Variants in RARB observed in about 807,000 individuals in gnomAD.
The protein encoded by RARB is retinoic acid receptor beta.
In RARB, 17 loss-of-function variants were observed where a neutral mutation model predicts 51.9. That is an observed-to-expected ratio of 0.33 (90% CI 0.22 to 0.49). RARB has a LOEUF of 0.49. Ranked by LOEUF, RARB falls within the 20% of genes least tolerant of loss-of-function variation. RARB has a pLI of 0.99. For missense variants in RARB, 369 were observed against 550.8 expected, an observed-to-expected ratio of 0.67 and a Z score of 3.30; for synonymous variants, 215 against 195.4, an observed-to-expected ratio of 1.10 and a Z score of -0.84.
chr3:24,943,799 G>A (rs941240103), intron 2 of RARB, among the ~76,000 whole-genome samples: 2 of 152,182 alleles, frequency 1.3e-5, no homozygotes, highest in Non-Finnish European at 2.9e-5. Flanking sequence ...ATTAGAATCT[G>A]CAGTCTTCTG....
chr3:25,106,270 A>G (rs1699497266), intron 3 of RARB, among the ~76,000 whole-genome samples: 2 of 25,812 alleles, frequency 7.7e-5, no homozygotes, highest in Admixed American at 1.3e-3. Context: ...CATGTTTCAT[A>G]CAAGTAAAAT....
chr3:25,105,871 G>T (rs545712239), intron 3 of RARB, among the ~76,000 whole-genome samples: 1 of 152,270 alleles, frequency 6.6e-6, no homozygotes. Context: ...TTTAACATCA[G>T]AGGAAAATTA....
chr3:24,830,434 T>TGTGTGTGTGTGC (rs1313377115), intron 1 of RARB, among the ~76,000 whole-genome samples: 1 of 150,816 alleles, frequency 6.6e-6, no homozygotes, highest in Non-Finnish European at 1.5e-5. Flanking sequence ...TGTGTGTGTG[T>TGTGTGTGTGTGC]GTGTGTGTAC....
intron 5 of RARB, among the ~76,000 whole-genome samples, chr3:25,185,394 T>C (rs1462560390): frequency 1.3e-5 from 2 of 152,130 alleles, no homozygotes; most frequent in Non-Finnish European, 2.9e-5. Flanking sequence ...TGTCACTTTG[T>C]CCTTTATAAA....
At chr3:25,574,232 C>G (rs1252824401) in intron 4 of RARB, among the ~76,000 whole-genome samples, 1 of 152,208 alleles carries the variant, frequency 6.6e-6, no homozygotes, top group African/African-American at 2.4e-5. Context: ...AAGCTCAACT[C>G]TTATCCCTGC....
intron 5 of RARB, among the ~76,000 whole-genome samples, chr3:25,272,513 C>G (rs771997965): frequency 2.2e-4 from 34 of 152,226 alleles, no homozygotes; most frequent in Non-Finnish European, 4.6e-4. Context: ...TCCTACATCA[C>G]TCAGGTATCC....
chr3:25,364,655 C>G (rs1487009698), intron 5 of RARB, among the ~76,000 whole-genome samples: 1 of 152,186 alleles, frequency 6.6e-6, no homozygotes, highest in Non-Finnish European at 1.5e-5. Flanking sequence ...TGGGCTGTAT[C>G]GGAGAGGGCC....
At chr3:25,015,563 C>A (rs988555494) in intron 2 of RARB, among the ~76,000 whole-genome samples, 2 of 152,116 alleles carry the variant, frequency 1.3e-5, no homozygotes, top group African/African-American at 4.8e-5. Context: ...TAATTCCAAA[C>A]TGATACAAAG....
rs187569347 is a variant in RARB, at chr3:24,958,934, C to G, written c.-380+100182C>G. On this transcript the variant is annotated intron_variant, in intron 2 of 11. Transcript: ENST00000383772. ...GCTTACTCAGCCCGCAGCTCTCAAA[C>G]CCTTGTGGGAGGGGGATCACACAGG... is the stretch of plus-strand genomic sequence containing the variant. 2.0e-3 allele frequency among the ~76,000 whole-genome samples: 305 copies of G among 152,344 alleles called. 1 individual carries two copies. The highest frequency in any genetic ancestry group is 6.9e-3 in the African/African-American group (287 of 41,582).
intron 2 of RARB, among the ~76,000 whole-genome samples, chr3:24,913,177 G>T (rs1695034299): frequency 6.6e-6 from 1 of 151,350 alleles, no homozygotes; most frequent in Admixed American, 6.6e-5. Flanking sequence ...GTAGAGACGG[G>T]GTTTCACTGT....
intron 5 of RARB, among the ~76,000 whole-genome samples, chr3:25,366,816 T>A (rs1008332516): frequency 6.6e-6 from 1 of 152,198 alleles, no homozygotes; most frequent in Non-Finnish European, 1.5e-5. Flanking sequence ...CTAAATATTA[T>A]CCTTGCATTT....
At chr3:25,309,129 A>ATTTT (rs1171133293) in intron 5 of RARB, among the ~76,000 whole-genome samples, 6 of 93,008 alleles carry the variant, frequency 6.5e-5, no homozygotes, top group Non-Finnish European at 1.0e-4. Flanking sequence ...CTGTGCCTCC[A>ATTTT]TTTTTTTTTT....
At position 25,428,289 on chromosome 3, in the gene RARB, G is replaced by T. The variant is rs947093238; in HGVS notation, c.-443G>T. 5 of 1,240,248 alleles carry T rather than the reference G, an allele frequency of 4.0e-6. No individual in the cohort carries two copies. The highest frequency in any genetic ancestry group is 4.0e-5 in the South Asian group (1 of 25,298). The allele number at this position is 1,240,248 out of a possible 1,614,324, so 76.8% of individuals were successfully genotyped here. ...TGACAGAAGTAGTAGGAAGTGAGCT[G>T]TTCAGAGGCAGGAGGGTCTATTCTT... On this transcript the variant is annotated 5_prime_UTR_variant, in exon 1 of 8. Coordinates refer to ENST00000330688, the MANE Select transcript of RARB (RefSeq NM_000965.5).
At chr3:25,072,078 G>C (rs1698778337) in intron 3 of RARB, among the ~76,000 whole-genome samples, 1 of 152,220 alleles carries the variant, frequency 6.6e-6, no homozygotes. Flanking sequence ...TCTCGTTTCT[G>C]TGTTGGTCTT....
At chr3:25,471,058 A>T (rs768880369) in intron 2 of RARB, among the ~76,000 whole-genome samples, 70 of 152,246 alleles carry the variant, frequency 4.6e-4, no homozygotes, top group Non-Finnish European at 9.0e-4. Context: ...TGCAAATAGT[A>T]TATTACTTTC....
chr3:25,226,563 C>G lies in RARB; in HGVS notation c.178+51988C>G, dbSNP rs139805693. Among the ~76,000 whole-genome samples the G allele has an allele frequency of 2.7e-3, 406 of 152,244 alleles. 2 individuals are homozygous for G. Among genetic ancestry groups the G allele is most frequent in the African/African-American group, 9.4e-3 (391 of 41,534 alleles). On this transcript the variant is annotated intron_variant, in intron 5 of 11. Coordinates refer to the RARB transcript ENST00000383772. ...GCCAATCCTAATGTCTTAATATAAT[C>G]TATACCACATATATGACAAGTGAAC...
intron 5 of RARB, among the ~76,000 whole-genome samples, chr3:25,405,339 T>A (rs1285234039): frequency 1.3e-5 from 2 of 152,160 alleles, no homozygotes; most frequent in Admixed American, 6.6e-5. Context: ...GGCAACACAG[T>A]GAGACCCTGT....
At chr3:25,132,667 G>A (rs1236882143) in intron 4 of RARB, among the ~76,000 whole-genome samples, 1 of 151,826 alleles carries the variant, frequency 6.6e-6, no homozygotes, top group Non-Finnish European at 1.5e-5. Context: ...GATTAATACA[G>A]CATGGTGACT....
chr3:25,026,658 AT>A (rs1173285735), intron 2 of RARB, among the ~76,000 whole-genome samples: 4 of 152,172 alleles, frequency 2.6e-5, no homozygotes, highest in Non-Finnish European at 5.9e-5. Context: ...GCTTTAACAT[AT>A]AAATTTTGGA....
Sources: allele counts gnomAD v4.1 joint callset (sites outside exome capture counted in the v4.1 genomes callset), GRCh38; gene constraint gnomAD v4.1.1; transcripts MANE v1.5; gene names NCBI Gene and HGNC (gene_info 2026-07-23, HGNC 2026-07-21).